The following UXS1 variants were observed in gnomAD, a reference collection of about 807,000 sequenced individuals.
The protein encoded by UXS1 is UDP-glucuronic acid decarboxylase 1.
A neutral mutation model predicts 62.6 loss-of-function variants in UXS1; 33 were observed. That is an observed-to-expected ratio of 0.53 (90% CI 0.40 to 0.70). The LOEUF (loss-of-function observed/expected upper bound fraction) is 0.70, where lower values mean the gene tolerates loss of function less well. Among genes scored for constraint, UXS1 ranks in the 30% least tolerant of loss-of-function variants. The pLI, the probability that UXS1 is intolerant of heterozygous loss-of-function variation, is 0.00. For synonymous variants in UXS1, 213 were observed against 206.8 expected (o/e 1.03, Z -0.26); for missense variants, 434 against 556.3 (o/e 0.78, Z 2.21).
At chr2:106,136,795 G>A (rs1224848682) in intron 6 of UXS1, among the ~76,000 whole-genome samples, 3 of 81,908 alleles carry the variant, frequency 3.7e-5, no homozygotes, top group Non-Finnish European at 7.0e-5. Flanking sequence ...ATAGCATTGG[G>A]AGATATACCT....
chr2:106,177,814 T>C (rs1683987721), intron 1 of UXS1, among the ~76,000 whole-genome samples: 1 of 152,170 alleles, frequency 6.6e-6, no homozygotes, highest in Non-Finnish European at 1.5e-5. Flanking sequence ...TGGTATTTTG[T>C]TACTGCAGCC....
intron 1 of UXS1, chr2:106,183,671 G>A (rs1684386117): frequency 6.6e-6 from 1 of 152,182 alleles, no homozygotes; most frequent in African/African-American, 2.4e-5. Context: ...CCTCCATGTT[G>A]CAGGTTACTT....
At chr2:106,189,956 C>T (rs911246075) in intron 1 of UXS1, among the ~76,000 whole-genome samples, 1 of 152,100 alleles carries the variant, frequency 6.6e-6, no homozygotes, top group East Asian at 1.9e-4. Flanking sequence ...TGGGTAGGTC[C>T]AGGCTGATGT....
intron 7 of UXS1, among the ~76,000 whole-genome samples, chr2:106,128,215 C>T (rs754073402): frequency 6.6e-6 from 1 of 152,124 alleles, no homozygotes; most frequent in South Asian, 2.1e-4. Context: ...AAGAGGGCAT[C>T]ACGCACACCT....
rs376008826 is a variant in UXS1 at position 106,185,175 on chromosome 2, T to A, written c.94+8973A>T. Among the ~76,000 whole-genome samples the A allele has an allele frequency of 4.1e-4, 62 of 152,334 alleles. 1 individual carries two copies. The South Asian group carries it at 8.9e-3, about 22-fold the overall frequency. The stretch of plus-strand genomic sequence containing the variant: ...CTCCACTGCCCAAATTGTATCCTTC[T>A]GCTAAATGCCAACTCAATGCCCCAG... On this transcript the variant is annotated intron_variant, in intron 1 of 14. Coordinates refer to ENST00000283148, the MANE Select transcript of UXS1 (RefSeq NM_001253875.2).
chr2:106,170,732 C>T (rs1486790468), intron 1 of UXS1, among the ~76,000 whole-genome samples: 2 of 152,222 alleles, frequency 1.3e-5, no homozygotes, highest in Non-Finnish European at 1.5e-5. Flanking sequence ...GGGAAAGACA[C>T]AAGCAATTTC....
intron 1 of UXS1, among the ~76,000 whole-genome samples, chr2:106,192,229 G>A (rs1455597932): frequency 1.3e-5 from 2 of 152,216 alleles, no homozygotes; most frequent in Non-Finnish European, 1.5e-5. Context: ...TAAGGACTTG[G>A]TAAGATTTCC....
At chr2:106,138,725 A>G (rs999330177) in intron 6 of UXS1, 2 of 985,468 alleles carry the variant, frequency 2.0e-6, no homozygotes, top group Non-Finnish European at 2.4e-6. Context: ...CCGCCCCATC[A>G]GACTGTCGAG....
chr2:106,096,021 C>T (rs1163801844), intron 14 of UXS1, among the ~76,000 whole-genome samples: 3 of 152,252 alleles, frequency 2.0e-5, no homozygotes, highest in African/African-American at 7.2e-5. Flanking sequence ...TTCCTCCACA[C>T]CCTTCAGTCT....
chr2:106,103,112 C>T lies in UXS1; in HGVS notation c.923+1682G>A, dbSNP rs990629002. On this transcript the variant is annotated intron_variant, in intron 11 of 14. Coordinates refer to ENST00000283148, the MANE Select transcript of UXS1 (RefSeq NM_001253875.2). The stretch of plus-strand genomic sequence containing the variant: ...CATCAAAGCAGGCACAGGACAGTGA[C>T]CAGGCCATCAGAGCGGGCCAGGGTG... Among the ~76,000 whole-genome samples the T allele has an allele frequency of 2.1e-4, 32 of 152,226 alleles. 1 individual carries two copies. Among genetic ancestry groups the T allele is most frequent in the Admixed American group, 2.1e-3 (32 of 15,286 alleles).
At chr2:106,125,521 G>T in intron 8 of UXS1, 99 bp downstream of exon 8, 1 of 1,183,706 alleles carries the variant, frequency 8.4e-7, no homozygotes, top group Non-Finnish European at 1.1e-6. Context: ...GCATGGGCAG[G>T]CTGGGCCTCC....
chr2:106,157,927 C>G (rs1415948594), intron 5 of UXS1, 131 bp downstream of exon 5: 6 of 800,692 alleles, frequency 7.5e-6, no homozygotes, highest in Non-Finnish European at 9.9e-6. Flanking sequence ...GCGGTGCTAA[C>G]TCTGTGGACA....
intron 1 of UXS1, among the ~76,000 whole-genome samples, chr2:106,183,179 C>A (rs1684349480): frequency 6.6e-6 from 1 of 150,890 alleles, no homozygotes; most frequent in Non-Finnish European, 1.5e-5. Flanking sequence ...TACAACCAAG[C>A]CATCCTACAC....
At chr2:106,137,867 G>A (rs1275686314) in intron 6 of UXS1, among the ~76,000 whole-genome samples, 1 of 151,976 alleles carries the variant, frequency 6.6e-6, no homozygotes, top group East Asian at 1.9e-4. Context: ...CTTCAGAGCC[G>A]AGTACGACAC....
Position 106,158,110 on chromosome 2 carries a change from T to A in UXS1, c.239A>T (p.Gln80Leu). 1 of 1,562,930 alleles carries A rather than the reference T, an allele frequency of 6.4e-7. No individual in the cohort carries two copies. Among genetic ancestry groups the A allele is most frequent in the Non-Finnish European group, 8.7e-7 (1 of 1,152,298 alleles). The change falls in exon 5 of 15, where the codon CAG becomes CTG. Residue 80 changes from glutamine (Q) to leucine (L), a missense_variant. Around this residue, in one of 3 missense-constraint regions of UXS1, gnomAD observed 134 missense variants for 251.9 expected, o/e 0.53. Coordinates refer to ENST00000283148, the MANE Select transcript of UXS1 (RefSeq NM_001253875.2). ...KIRDLEKSFTQKYPPVKFLSE... is the reference protein window; with the variant it reads ...KIRDLEKSFTLKYPPVKFLSE... ...TAAAAACTTTACTGGTGGGTATTTC[T>A]GGGTAAAGCTGTATAATATAAAGAG...
intron 10 of UXS1, among the ~76,000 whole-genome samples, chr2:106,109,918 T>C (rs1678441417): frequency 6.6e-6 from 1 of 152,132 alleles, no homozygotes; most frequent in Non-Finnish European, 1.5e-5. Context: ...TTGTCGGAAA[T>C]GTAGCAGAAA....
At chr2:106,180,729 G>C (rs918144306) in intron 1 of UXS1, among the ~76,000 whole-genome samples, 8 of 152,132 alleles carry the variant, frequency 5.3e-5, no homozygotes, top group Non-Finnish European at 1.0e-4. Context: ...GGAGAATAGG[G>C]AGAAAGAAAT....
chr2:106,178,524 GTATA>G (rs1234784351), intron 1 of UXS1, among the ~76,000 whole-genome samples: 1 of 302 alleles, frequency 3.3e-3, no homozygotes, highest in Non-Finnish European at 0.02. Context: ...ACAAGTCTAT[GTATA>G]TGTATGTGTC....
At chr2:106,157,932 T>A in intron 5 of UXS1, 126 bp downstream of exon 5, 1 of 833,040 alleles carries the variant, frequency 1.2e-6, no homozygotes, top group South Asian at 1.7e-5. Flanking sequence ...GCTAACTCTG[T>A]GGACATACTA....
Sources: allele counts gnomAD v4.1 joint callset (sites outside exome capture counted in the v4.1 genomes callset), GRCh38; gene constraint gnomAD v4.1.1; regional missense constraint gnomAD v4.1.1; transcripts MANE v1.5; gene names NCBI Gene and HGNC (gene_info 2026-07-23, HGNC 2026-07-21).